Variants in POC5 observed in about 807,000 individuals in gnomAD.
POC5 encodes POC5 centriolar protein.
A neutral mutation model predicts 62.9 loss-of-function variants in POC5; 48 were observed. The ratio of observed to expected loss-of-function variants is 0.76; its 90% CI spans 0.61 to 0.97. The LOEUF is 0.97. POC5 is among the 50% of genes least tolerant of loss of function. POC5 has a pLI of 0.00. For synonymous variants in POC5, 236 were observed against 228.2 expected, an observed-to-expected ratio of 1.03 and a Z score of -0.31; for missense variants, 696 against 679.5, an observed-to-expected ratio of 1.02 and a Z score of -0.27.
At chr5:75,710,450 T>C (rs1384057730) in intron 2 of POC5, among the ~76,000 whole-genome samples, 3 of 152,038 alleles carry the variant, frequency 2.0e-5, no homozygotes, top group East Asian at 3.8e-4. Flanking sequence ...TTAAATAAGG[T>C]CATTGGTTGG....
At position 75,685,475 on chromosome 5, in the gene POC5, G is replaced by T; in HGVS notation, c.1139C>A (p.Ser380Tyr). ...ATACTCTTCCTTTTTATTATTTGTGGAGTCTATCCCTATAAATCACAAATT... is the reference window on the plus strand; with the variant it reads ...ATACTCTTCCTTTTTATTATTTGTGTAGTCTATCCCTATAAATCACAAATT... ...FQNRNDAGID[S>Y]TNNKKEEYGP... Residue 380 changes from serine to tyrosine, a missense_variant, in exon 10 of 12, where the codon TCC becomes TAC. Transcript: ENST00000428202. 6.2e-7 allele frequency: 1 copy of T among 1,609,730 alleles called. No individual in the cohort carries two copies. Among genetic ancestry groups the T allele is most frequent in the African/African-American group, 1.3e-5 (1 of 74,918 alleles).
chr5:75,678,468 CTG>C (rs1431427796), intron 10 of POC5, among the ~76,000 whole-genome samples: 1 of 152,144 alleles, frequency 6.6e-6, no homozygotes, highest in African/African-American at 2.4e-5. Flanking sequence ...ATCCATCTCT[CTG>C]TTCCTTCCCC....
rs778524728 is a variant in POC5, at chr5:75,685,425, G to A, written c.1189C>T (p.His397Tyr). Residue 397 changes from histidine to tyrosine, a missense_variant, in exon 10 of 12, where the codon CAT (histidine) becomes TAT (tyrosine). By Grantham distance (83) the His-to-Tyr change is moderately conservative (BLOSUM62 2). Coordinates refer to ENST00000428202, the MANE Select transcript of POC5 (RefSeq NM_001099271.2). ...GCTGAAGGATCCAAATGAGCAGAAT[G>A]TTCTTTTCCTTGAACACCAGGACCA... is the stretch of plus-strand genomic sequence containing the variant. ...EYGPGVQGKE[H>Y]SAHLDPSAPP... is the part of the protein sequence containing the mutation. 1.2e-6 allele frequency: 2 copies of A among 1,613,712 alleles called. No homozygotes were observed. The highest frequency in any genetic ancestry group is 2.7e-5 in the African/African-American group (2 of 74,932).
intron 5 of POC5, among the ~76,000 whole-genome samples, chr5:75,702,007 T>C (rs41534344): frequency 0.25 from 37,294 of 152,042 alleles, 4,801 homozygotes; most frequent in South Asian, 0.34. Context: ...AAAGTATCTG[T>C]GAAATTCAAT....
intron 5 of POC5, 78 bp from the exon 6 acceptor site, chr5:75,694,909 C>T (rs1776495794): frequency 2.9e-6 from 3 of 1,048,304 alleles, no homozygotes; most frequent in Middle Eastern, 6.3e-4. Context: ...AATAAAGAAA[C>T]ATTAAAAAAA....
chr5:75,699,657 C>T (rs1029283504), intron 5 of POC5, among the ~76,000 whole-genome samples: 8 of 142,050 alleles, frequency 5.6e-5, no homozygotes, highest in East Asian at 4.0e-4. Flanking sequence ...AAAACTGGTA[C>T]AAGACAGGGA....
At chr5:75,689,208 A>G in intron 8 of POC5, 43 bp from the exon 9 acceptor site, 1 of 1,491,926 alleles carries the variant, frequency 6.7e-7, no homozygotes, top group Middle Eastern at 1.8e-4. Flanking sequence ...TTGAGATACA[A>G]AGAAGAATAC....
rs959495151 is a variant in POC5 at position 75,674,204 on chromosome 5, T to C, written c.*231A>G. On this transcript the variant is annotated 3_prime_UTR_variant, in exon 12 of 12. Coordinates refer to ENST00000428202, the MANE Select transcript of POC5 (RefSeq NM_001099271.2). ...TTAAAGAAATAAAGTCCAGTTTCTT[T>C]TTTAATTTAAAAAAGTTTTACTTAA... The C allele has an allele frequency of 3.1e-6, 1 of 322,886 alleles. No homozygotes were observed. The highest frequency in any genetic ancestry group is 5.5e-6 in the Non-Finnish European group (1 of 180,324). The allele number at this position is 322,886 out of a possible 1,614,324, so 20.0% of individuals were successfully genotyped here.
rs770454460 is a variant in POC5 at position 75,677,830 on chromosome 5, C to T, written c.1528G>A (p.Gly510Arg). 4.3e-6 allele frequency: 7 copies of T among 1,612,112 alleles called. No individual in the cohort carries two copies. The highest frequency in any genetic ancestry group is 2.2e-5 in the South Asian group (2 of 90,820). The stretch of plus-strand genomic sequence containing the variant: ...ACTGAGCTCATGGGAGGAGAAACTC[C>T]CATTATAGCTAAACTGCTGCTAATT... ...NRISSSLAIM[G>R]VSPPMSSVVV... is the part of the protein sequence containing the mutation. The change falls in exon 11 of 12, where the codon GGA becomes AGA. Residue 510 changes from glycine to arginine, a missense_variant. Gly to Arg is a moderately radical substitution (Grantham distance 125, BLOSUM62 -2). Coordinates refer to ENST00000428202, the MANE Select transcript of POC5 (RefSeq NM_001099271.2).
At chr5:75,686,439 C>T (rs997096199) in intron 9 of POC5, among the ~76,000 whole-genome samples, 19 of 152,258 alleles carry the variant, frequency 1.2e-4, no homozygotes, top group Non-Finnish European at 2.5e-4. Context: ...CTTAGACTAT[C>T]TGTATAGAAA....
At chr5:75,712,514 TA>T in intron 2 of POC5, 1 of 1,425,624 alleles carries the variant, frequency 7.0e-7, no homozygotes, top group Non-Finnish European at 9.8e-7. Context: ...GATATTGTAT[TA>T]ATTTGCATTA....
At chr5:75,682,147 C>T (rs906900086) in intron 10 of POC5, among the ~76,000 whole-genome samples, 3 of 152,164 alleles carry the variant, frequency 2.0e-5, no homozygotes, top group African/African-American at 7.2e-5. Context: ...GAAGGGCTGT[C>T]TACAGAATAT....
At chr5:75,697,909 G>A (rs1250477985) in intron 5 of POC5, among the ~76,000 whole-genome samples, 1 of 144,684 alleles carries the variant, frequency 6.9e-6, no homozygotes, top group African/African-American at 2.5e-5. Context: ...AAAGGCAGGG[G>A]TTGCAATCCT....
chr5:75,675,861 A>G (rs989429440), intron 11 of POC5, among the ~76,000 whole-genome samples: 1 of 152,244 alleles, frequency 6.6e-6, no homozygotes, highest in Admixed American at 6.5e-5. Flanking sequence ...TACCCAGCAG[A>G]TGAGGCTACA....
chr5:75,694,980 A>G, intron 5 of POC5, 149 bp from the exon 6 acceptor site: 1 of 591,126 alleles, frequency 1.7e-6, no homozygotes, highest in Non-Finnish European at 2.8e-6. Flanking sequence ...TGAAAAACAT[A>G]TGTAAGTTCA....
At chr5:75,695,657 T>C (rs958280024) in intron 5 of POC5, among the ~76,000 whole-genome samples, 2 of 151,556 alleles carry the variant, frequency 1.3e-5, no homozygotes, top group African/African-American at 2.4e-5. Flanking sequence ...TTTTTAATAA[T>C]AGCAAAAAAA....
chr5:75,678,824 C>T (rs547308663), intron 10 of POC5, among the ~76,000 whole-genome samples: 111 of 152,262 alleles, frequency 7.3e-4, no homozygotes, highest in Non-Finnish European at 1.2e-3. Flanking sequence ...GCTTTTGCTG[C>T]TTATCGCTGG....
chr5:75,677,129 T>C (rs919124658), intron 11 of POC5, among the ~76,000 whole-genome samples: 2 of 152,198 alleles, frequency 1.3e-5, no homozygotes, highest in Admixed American at 1.3e-4. Flanking sequence ...ATTAACCCCA[T>C]TTTACAGAAG....
Position 75,677,814 on chromosome 5 carries a change from A to G in POC5, c.1544T>C (p.Met515Thr). 1 of 1,611,330 alleles carries G rather than the reference A, an allele frequency of 6.2e-7. No homozygotes were observed. Among genetic ancestry groups the G allele is most frequent in the East Asian group, 2.2e-5 (1 of 44,744 alleles). ...SLAIMGVSPP[M>T]SSVVVEKHHP... ...ATGTTTTTCCACAACAACTGAGCTC[A>G]TGGGAGGAGAAACTCCCATTATAGC... The change falls in exon 11 of 12, where the codon ATG becomes ACG. Residue 515 changes from methionine to threonine, a missense_variant. Transcript: ENST00000428202.
Sources: gnomAD v4.1 joint callset for allele counts (sites outside exome capture counted in the v4.1 genomes callset) on GRCh38, gnomAD v4.1.1 for gene constraint, MANE v1.5 for transcripts, NCBI Gene and HGNC (gene_info 2026-07-23, HGNC 2026-07-21) for gene names.